The following GPC6 variants were observed in gnomAD, a reference collection of about 807,000 sequenced individuals.
GPC6 encodes glypican-6.
Under a neutral mutation model 55.2 loss-of-function variants are expected in GPC6, and 14 were observed. The observed-to-expected ratio is 0.25, with a 90% CI of 0.17 to 0.40. GPC6 has a LOEUF of 0.40. Ranked by LOEUF, GPC6 falls within the 10% of genes least tolerant of loss-of-function variation. The probability of loss-of-function intolerance (pLI) is 1.00; values close to 1 mark genes in which losing one functional copy is unlikely to be tolerated. For synonymous variants in GPC6, 278 were observed against 259.6 expected (o/e 1.07, Z -0.68); for missense variants, 641 against 708.5 (o/e 0.90, Z 1.08).
At chr13:94,102,575 C>A (rs1342895670) in intron 4 of GPC6, among the ~76,000 whole-genome samples, 1 of 151,606 alleles carries the variant, frequency 6.6e-6, no homozygotes, top group Non-Finnish European at 1.5e-5. Context: ...TGATGAGTTC[C>A]TGCATTATGC....
At chr13:94,059,056 A>T (rs78290335) in intron 4 of GPC6, among the ~76,000 whole-genome samples, 9,397 of 152,176 alleles carry the variant, frequency 0.062, 989 homozygotes, top group African/African-American at 0.21. Flanking sequence ...AAAACCAAAA[A>T]AAGAGCTTTA....
Position 94,297,668 on chromosome 13 carries a change from G to T in GPC6, c.1009-8312G>T, listed in dbSNP as rs912756806. 2.0e-5 allele frequency among the ~76,000 whole-genome samples: 3 copies of T among 152,224 alleles called. No individual in the cohort carries two copies. The East Asian group carries it at 5.8e-4, about 29-fold the overall frequency. On this transcript the variant is annotated intron_variant, in intron 5 of 8. Transcript: ENST00000377047. ...CCGACAGATATTCTGGAACCAAGCT[G>T]TGTGAGCATCAGGAGTAAATTTTTT...
intron 2 of GPC6, among the ~76,000 whole-genome samples, chr13:93,780,285 C>A (rs7992378): frequency 0.66 from 99,549 of 150,784 alleles, 33,281 homozygotes; most frequent in East Asian, 0.81. Flanking sequence ...CAAAAAAAAA[C>A]ACATTGTTTT....
intron 5 of GPC6, among the ~76,000 whole-genome samples, chr13:94,294,345 G>A (rs149036163): frequency 0.01 from 1,529 of 151,314 alleles, 25 homozygotes; most frequent in African/African-American, 0.031. Context: ...TACTACCGAC[G>A]AGGGTAGAAC....
intron 1 of GPC6, among the ~76,000 whole-genome samples, chr13:93,519,504 G>A (rs982514149): frequency 6.6e-6 from 1 of 151,928 alleles, no homozygotes; most frequent in Admixed American, 6.6e-5. Context: ...GCATAATAAT[G>A]TCTGAGTTGA....
At chr13:94,040,317 G>A (rs1475321172) in intron 4 of GPC6, among the ~76,000 whole-genome samples, 1 of 151,812 alleles carries the variant, frequency 6.6e-6, no homozygotes, top group African/African-American at 2.4e-5. Flanking sequence ...AACACAATAT[G>A]TAAGGACCAA....
intron 2 of GPC6, among the ~76,000 whole-genome samples, chr13:93,595,757 G>A (rs564250268): frequency 5.5e-4 from 84 of 152,116 alleles, no homozygotes; most frequent in African/African-American, 2.0e-3. Context: ...TTAATATGCT[G>A]TAATTTTAAA....
chr13:93,419,516 G>T (rs1876845352), intron 1 of GPC6, among the ~76,000 whole-genome samples: 1 of 152,064 alleles, frequency 6.6e-6, no homozygotes, highest in South Asian at 2.1e-4. Context: ...TGCTATTATG[G>T]AGCTAAGTGC....
chr13:93,866,644 C>T (rs1431245798), intron 3 of GPC6, among the ~76,000 whole-genome samples: 1 of 151,734 alleles, frequency 6.6e-6, no homozygotes, highest in Non-Finnish European at 1.5e-5. Flanking sequence ...TGCATGTTCT[C>T]ACTTATAAGT....
chr13:93,718,073 G>A (rs548890115), intron 2 of GPC6, among the ~76,000 whole-genome samples: 1 of 151,746 alleles, frequency 6.6e-6, no homozygotes, highest in Admixed American at 6.6e-5. Context: ...ATAAACATAC[G>A]TATGCATGTG....
chr13:93,317,135 C>T (rs7338482), intron 1 of GPC6, among the ~76,000 whole-genome samples: 89,677 of 151,536 alleles, frequency 0.59, 26,711 homozygotes, highest in East Asian at 0.77. Flanking sequence ...TTTTAACACA[C>T]TCATGGGGTG....
At chr13:93,459,706 C>T (rs1462822240) in intron 1 of GPC6, among the ~76,000 whole-genome samples, 1 of 152,074 alleles carries the variant, frequency 6.6e-6, no homozygotes, top group Non-Finnish European at 1.5e-5. Flanking sequence ...TGTGTGCTCT[C>T]GATCCTCCCC....
intron 2 of GPC6, among the ~76,000 whole-genome samples, chr13:93,625,021 A>G (rs1325551787): frequency 6.6e-6 from 1 of 152,200 alleles, no homozygotes; most frequent in African/African-American, 2.4e-5. Context: ...GTTTGTAGTT[A>G]AAATACCTTA....
chr13:93,858,020 C>T (rs1419047089), intron 3 of GPC6, among the ~76,000 whole-genome samples: 3 of 151,408 alleles, frequency 2.0e-5, no homozygotes, highest in Non-Finnish European at 4.4e-5. Context: ...TTACATATTA[C>T]AATTCAAATT....
intron 2 of GPC6, among the ~76,000 whole-genome samples, chr13:93,639,649 T>G (rs9524154): frequency 0.17 from 26,115 of 152,072 alleles, 2,909 homozygotes; most frequent in Non-Finnish European, 0.25. Flanking sequence ...GCATACAGAT[T>G]TGCTGATGAT....
intron 4 of GPC6, among the ~76,000 whole-genome samples, chr13:94,067,231 CA>C (rs1294266087): frequency 6.6e-6 from 1 of 152,068 alleles, no homozygotes; most frequent in Admixed American, 6.6e-5. Context: ...GATTATGTAT[CA>C]GATTGAAGCT....
chr13:93,912,333 C>T (rs1185840186), intron 3 of GPC6, among the ~76,000 whole-genome samples: 2 of 152,078 alleles, frequency 1.3e-5, no homozygotes, highest in Non-Finnish European at 2.9e-5. Context: ...AGATAAAATA[C>T]AATTAATGGC....
At chr13:93,461,046 A>T (rs541614851) in intron 1 of GPC6, among the ~76,000 whole-genome samples, 9 of 152,264 alleles carry the variant, frequency 5.9e-5, no homozygotes, top group African/African-American at 2.2e-4. Flanking sequence ...AACTTGATGA[A>T]TGAATCTTGC....
chr13:93,830,900 G>T (rs940820575), intron 3 of GPC6: 6 of 238,466 alleles, frequency 2.5e-5, no homozygotes, highest in East Asian at 1.2e-4. Flanking sequence ...ACTCATGAAA[G>T]AATCCATTCA....
Sources: gnomAD v4.1 joint callset for allele counts (sites outside exome capture counted in the v4.1 genomes callset) on GRCh38, gnomAD v4.1.1 for gene constraint, MANE v1.5 for transcripts, NCBI Gene and HGNC (gene_info 2026-07-23, HGNC 2026-07-21) for gene names.